RNF2: variants seen among roughly 807,000 people sequenced by gnomAD.
The protein encoded by RNF2 is ring finger protein 2.
In RNF2, 6 loss-of-function variants were observed where a neutral mutation model predicts 37.2. The ratio of observed to expected loss-of-function variants is 0.16; its 90% CI spans 0.09 to 0.32. RNF2 has a LOEUF of 0.32. Among genes scored for constraint, RNF2 ranks in the 10% least tolerant of loss-of-function variants. RNF2 has a pLI of 1.00. For synonymous variants in RNF2, 133 were observed against 132.7 expected, an observed-to-expected ratio of 1.00 and a Z score of -0.02; for missense variants, 251 against 404.0, an observed-to-expected ratio of 0.62 and a Z score of 3.25.
chr1:185,047,815 C>T (rs1440640353), intron 1 of RNF2, among the ~76,000 whole-genome samples: 1 of 152,212 alleles, frequency 6.6e-6, no homozygotes, highest in Admixed American at 6.5e-5. Flanking sequence ...CGCACGTACA[C>T]ATCTACAATT....
chr1:185,095,043 C>T (rs1393838793), intron 4 of RNF2, among the ~76,000 whole-genome samples: 2 of 152,282 alleles, frequency 1.3e-5, no homozygotes, highest in African/African-American at 2.4e-5. Flanking sequence ...TCAAAAACCA[C>T]TGGCTTAAAG....
At chr1:185,070,720 G>T (rs1026552270) in intron 1 of RNF2, among the ~76,000 whole-genome samples, 5 of 149,308 alleles carry the variant, frequency 3.3e-5, no homozygotes, top group African/African-American at 1.2e-4. Flanking sequence ...CTCACTGCAA[G>T]TTCCGCCTCC....
intron 4 of RNF2, among the ~76,000 whole-genome samples, chr1:185,094,051 C>T (rs1651843668): frequency 6.6e-6 from 1 of 152,012 alleles, no homozygotes; most frequent in Non-Finnish European, 1.5e-5. Context: ...AACTTACTCC[C>T]TACTTCTCTT....
chr1:185,097,421 G>A (rs991113155), intron 4 of RNF2, among the ~76,000 whole-genome samples: 15 of 152,270 alleles, frequency 9.9e-5, no homozygotes, highest in African/African-American at 3.6e-4. Context: ...TCTTCCCTAA[G>A]AACTTTTACA....
chr1:185,065,378 G>A (rs893844462), intron 1 of RNF2, among the ~76,000 whole-genome samples: 4 of 152,192 alleles, frequency 2.6e-5, no homozygotes, highest in Non-Finnish European at 5.9e-5. Flanking sequence ...AGGCCCCAGT[G>A]GCAGCCTTCT....
At chr1:185,096,948 G>A (rs1478642767) in intron 4 of RNF2, among the ~76,000 whole-genome samples, 1 of 151,448 alleles carries the variant, frequency 6.6e-6, no homozygotes, top group Non-Finnish European at 1.5e-5. Context: ...CAAGTGCAAG[G>A]CATTCTTTCA....
At chr1:185,062,611 A>G (rs995190991) in intron 1 of RNF2, among the ~76,000 whole-genome samples, 4 of 152,178 alleles carry the variant, frequency 2.6e-5, no homozygotes, top group Admixed American at 1.3e-4. Context: ...CAAAGATGCC[A>G]TAGAAGAAAA....
chr1:185,076,268 G>GTTTTTTTT lies in RNF2; in HGVS notation c.-2-11251_-2-11244dup. ...TTTTCTTCTAGATCTTTTATGGGTTGTTTTTTTTTTTTTTTTTTTTTTTTT... is the reference window on the plus strand; with the variant it reads ...TTTTCTTCTAGATCTTTTATGGGTTGTTTTTTTTTTTTTTTTTTTTTTTTTTTTTTTTT... On this transcript the variant is annotated intron_variant, in intron 1 of 6. Transcript: ENST00000367510. Among the ~76,000 whole-genome samples, 174 of 27,344 alleles carry GTTTTTTTT rather than the reference G, an allele frequency of 6.4e-3. 59 individuals are homozygous for GTTTTTTTT. Among genetic ancestry groups the GTTTTTTTT allele is most frequent in the Non-Finnish European group, 8.7e-3 (115 of 13,180 alleles). The allele number at this position is 27,344 out of a possible 152,430, so 17.9% of individuals were successfully genotyped here. A position where few individuals can be genotyped will look rare whatever the true frequency, so the allele number is the denominator to read the frequency against.
intron 6 of RNF2, 91 bp from the exon 7 acceptor site, chr1:185,100,109 A>T: frequency 6.4e-6 from 8 of 1,257,608 alleles, no homozygotes; most frequent in Non-Finnish European, 8.9e-6. Flanking sequence ...ATTTGAAAAA[A>T]AAAGATTCTG....
chr1:185,085,145 C>CTTTTTTTTTTTTTTT (rs71555455), intron 1 of RNF2, among the ~76,000 whole-genome samples: 30 of 103,216 alleles, frequency 2.9e-4, no homozygotes, highest in Non-Finnish European at 4.6e-4. Flanking sequence ...CTTTCTTTTT[C>CTTTTTTTTTTTTTTT]TTTTTTTTTT....
chr1:185,090,651 C>A (rs867922023), intron 2 of RNF2, among the ~76,000 whole-genome samples: 18 of 152,138 alleles, frequency 1.2e-4, no homozygotes, highest in African/African-American at 4.1e-4. Context: ...ACAGGAAGCA[C>A]GGGAGCGTAT....
At chr1:185,074,777 G>A (rs753646024) in intron 1 of RNF2, among the ~76,000 whole-genome samples, 6 of 152,008 alleles carry the variant, frequency 3.9e-5, no homozygotes, top group Non-Finnish European at 5.9e-5. Flanking sequence ...TTTACATAGC[G>A]TTTACATTGT....
chr1:185,092,769 A>G (rs1043128567), intron 3 of RNF2, among the ~76,000 whole-genome samples: 2 of 152,052 alleles, frequency 1.3e-5, no homozygotes, highest in African/African-American at 4.8e-5. Context: ...GAAAGGGGAA[A>G]TTTAAATTAG....
At chr1:185,062,504 A>T (rs1443884384) in intron 1 of RNF2, among the ~76,000 whole-genome samples, 1 of 152,186 alleles carries the variant, frequency 6.6e-6, no homozygotes, top group African/African-American at 2.4e-5. Context: ...TGCCCATTAC[A>T]TGGAATGGAG....
chr1:185,064,384 C>G (rs1650737684), intron 1 of RNF2, among the ~76,000 whole-genome samples: 1 of 152,266 alleles, frequency 6.6e-6, no homozygotes, highest in Non-Finnish European at 1.5e-5. Context: ...ATTTCATACT[C>G]TGATTTTTTT....
intron 1 of RNF2, among the ~76,000 whole-genome samples, chr1:185,082,068 A>G (rs927799680): frequency 3.9e-5 from 6 of 152,268 alleles, no homozygotes; most frequent in African/African-American, 7.2e-5. Context: ...CCAATGGTTC[A>G]TTGTTGTTGC....
At position 185,053,337 on chromosome 1, in the gene RNF2, T is replaced by C. The variant is rs143953935; in HGVS notation, c.-3+7688T>C. Among the ~76,000 whole-genome samples, 631 of 151,784 alleles carry C rather than the reference T, an allele frequency of 4.2e-3. 4 individuals carry two copies. The highest frequency in any genetic ancestry group is 0.015 in the African/African-American group (612 of 41,214). Reference sequence around the variant, plus strand: ...TTTGCTTCATTTTCCTTTTTTTCTTTTTCTTTTTTTTTTTAAGAGACAGGA... The same window carrying C: ...TTTGCTTCATTTTCCTTTTTTTCTTCTTCTTTTTTTTTTTAAGAGACAGGA... On this transcript the variant is annotated intron_variant, in intron 1 of 6. Coordinates refer to ENST00000367510, the MANE Select transcript of RNF2 (RefSeq NM_007212.4).
chr1:185,049,244 T>C (rs111732413), intron 1 of RNF2, among the ~76,000 whole-genome samples: 1 of 152,246 alleles, frequency 6.6e-6, no homozygotes, highest in African/African-American at 2.4e-5. Context: ...CATGCCACAC[T>C]ATCAGAGGAT....
chr1:185,062,690 A>C (rs1299964564), intron 1 of RNF2, among the ~76,000 whole-genome samples: 1 of 152,194 alleles, frequency 6.6e-6, no homozygotes, highest in East Asian at 1.9e-4. Context: ...ACAAAGCAGC[A>C]AACTGGGGAA....
Sources: gnomAD v4.1 joint callset for allele counts (sites outside exome capture counted in the v4.1 genomes callset) on GRCh38, gnomAD v4.1.1 for gene constraint, MANE v1.5 for transcripts, NCBI Gene and HGNC (gene_info 2026-07-23, HGNC 2026-07-21) for gene names.